NLK: variants seen among roughly 807,000 people sequenced by gnomAD.
The protein encoded by NLK is nemo like kinase.
A neutral mutation model predicts 59.0 loss-of-function variants in NLK; 11 were observed. The ratio of observed to expected loss-of-function variants is 0.19; its 90% confidence interval spans 0.12 to 0.31. NLK has a LOEUF of 0.31. Ranked by LOEUF, NLK falls within the 10% of genes least tolerant of loss-of-function variation. NLK has a pLI of 1.00. For synonymous variants in NLK, 235 were observed against 235.9 expected (o/e 1.00, Z 0.03); for missense variants, 410 against 661.1 (o/e 0.62, Z 4.16).
chr17:28,189,471 G>A lies in NLK; in HGVS notation c.1237-1550G>A, dbSNP rs116676589. On this transcript the variant is annotated intron_variant, in intron 8 of 10. Coordinates refer to ENST00000407008, the MANE Select transcript of NLK (RefSeq NM_016231.5). ...AAGCTATTGGAGAAACTGCACAGTG[G>A]TGTAAGTGTGAAGCATCTTACAGAC... Among the ~76,000 whole-genome samples the A allele has an allele frequency of 3.3e-3, 498 of 152,316 alleles. 3 individuals carry two copies. The highest frequency in any genetic ancestry group is 0.011 in the African/African-American group (470 of 41,566).
chr17:28,177,228 A>G (rs1033260336), intron 7 of NLK, among the ~76,000 whole-genome samples: 1 of 152,198 alleles, frequency 6.6e-6, no homozygotes, highest in Admixed American at 6.5e-5. Context: ...AAAAAAATTC[A>G]CATATAAGTG....
chr17:28,098,749 C>T (rs530867948), intron 1 of NLK, among the ~76,000 whole-genome samples: 1 of 137,498 alleles, frequency 7.3e-6, no homozygotes, highest in Admixed American at 8.2e-5. Context: ...ATGGCGCCAT[C>T]TCGGCTCACC....
chr17:28,043,114 G>C lies in NLK; in HGVS notation c.241G>C (p.Ala81Pro). 1 of 1,596,150 alleles carries C rather than the reference G, an allele frequency of 6.3e-7. No homozygotes were observed. Residue 81 changes from alanine to proline, a missense_variant, in exon 1 of 11, where the codon GCT becomes CCT. This residue lies in a region of NLK where 160 missense variants were observed against 171.0 expected (regional missense o/e 0.94). Coordinates refer to ENST00000407008, the MANE Select transcript of NLK (RefSeq NM_016231.5). The stretch of plus-strand genomic sequence containing the variant: ...TGCGGCAGCCGCAGCAGCGGCTGCA[G>C]CTGCAGCCATGTTAAACCCTGGGCA... ...AAAAAAAAAA[A>P]AAMLNPGQQQ...
At chr17:28,136,667 A>G (rs1256936947) in intron 3 of NLK, among the ~76,000 whole-genome samples, 1 of 152,128 alleles carries the variant, frequency 6.6e-6, no homozygotes, top group Non-Finnish European at 1.5e-5. Flanking sequence ...ACAATGGCAT[A>G]ATCTCGGCTT....
intron 3 of NLK, among the ~76,000 whole-genome samples, chr17:28,148,020 A>G (rs1907328434): frequency 6.6e-6 from 1 of 152,212 alleles, no homozygotes; most frequent in South Asian, 2.1e-4. Context: ...ATGCAAATGA[A>G]AAGCAGATTG....
intron 7 of NLK, among the ~76,000 whole-genome samples, chr17:28,182,296 G>T (rs1320657525): frequency 6.6e-6 from 1 of 151,924 alleles, no homozygotes; most frequent in Non-Finnish European, 1.5e-5. Flanking sequence ...GGTTTTTTTG[G>T]ATTTTCCTAC....
chr17:28,072,567 G>A (rs569713222), intron 1 of NLK, among the ~76,000 whole-genome samples: 37 of 151,790 alleles, frequency 2.4e-4, no homozygotes, highest in Non-Finnish European at 2.8e-4. Flanking sequence ...AGATGAGTGC[G>A]CTGATCTTTT....
chr17:28,112,866 GA>G (rs1905585569), intron 1 of NLK, among the ~76,000 whole-genome samples: 1 of 152,110 alleles, frequency 6.6e-6, no homozygotes, highest in Non-Finnish European at 1.5e-5. Context: ...GTGTAATGAT[GA>G]AGGAAATGTT....
chr17:28,067,820 T>C (rs1195241333), intron 1 of NLK, among the ~76,000 whole-genome samples: 2 of 150,776 alleles, frequency 1.3e-5, no homozygotes, highest in Admixed American at 6.6e-5. Flanking sequence ...ATCCAAACTG[T>C]AGGTAGACCT....
intron 1 of NLK, among the ~76,000 whole-genome samples, chr17:28,047,730 C>T (rs564949471): frequency 6.6e-6 from 1 of 152,286 alleles, no homozygotes; most frequent in African/African-American, 2.4e-5. Context: ...GTCTAGCTTG[C>T]TCATCTTGTG....
chr17:28,132,520 C>T (rs1225724223), intron 2 of NLK, 100 bp from the exon 3 acceptor site: 13 of 862,366 alleles, frequency 1.5e-5, no homozygotes, highest in South Asian at 7.8e-5. Context: ...TGTAACTAAG[C>T]TTTAAAGCAT....
intron 1 of NLK, among the ~76,000 whole-genome samples, chr17:28,111,901 GTGTGTGTGT>G (rs1905527661): frequency 2.0e-4 from 18 of 88,674 alleles, no homozygotes; most frequent in African/African-American, 5.6e-4. Context: ...TGTGTGGTGT[GTGTGTGTGT>G]GTGTGTGTGT....
chr17:28,098,388 C>A (rs1378435602), intron 1 of NLK, among the ~76,000 whole-genome samples: 1 of 152,038 alleles, frequency 6.6e-6, no homozygotes, highest in Non-Finnish European at 1.5e-5. Flanking sequence ...TATTTTTCTT[C>A]TAATAATAGA....
chr17:28,109,665 A>G (rs952402338), intron 1 of NLK, among the ~76,000 whole-genome samples: 2 of 152,172 alleles, frequency 1.3e-5, no homozygotes, highest in Admixed American at 1.3e-4. Context: ...TTTGAGGTTT[A>G]TCCATATGTT....
intron 1 of NLK, among the ~76,000 whole-genome samples, chr17:28,105,219 C>T (rs917830417): frequency 2.0e-5 from 3 of 152,154 alleles, no homozygotes; most frequent in African/African-American, 7.2e-5. Context: ...TTTCACCCAG[C>T]ACTGTCTTTT....
In NLK at chr17:28,043,149, A is replaced by G. The variant is rs758977014; in HGVS notation, c.276A>G (p.Pro92=). The change falls in exon 1 of 11, where the codon CCA becomes CCG. Residue 92 remains proline (P), a synonymous_variant. Coordinates refer to ENST00000407008, the MANE Select transcript of NLK (RefSeq NM_016231.5). ...TGTTAAACCCTGGGCAACAACAGCCATATTTCCCATCACCGGCACCGGGGC... is the reference window on the plus strand; with the variant it reads ...TGTTAAACCCTGGGCAACAACAGCCGTATTTCCCATCACCGGCACCGGGGC... ...AAMLNPGQQQ[P]YFPSPAPGQA... is the part of the protein sequence containing the mutation. The G allele has an allele frequency of 6.8e-6, 11 of 1,613,176 alleles. No individual in the cohort carries two copies. Among genetic ancestry groups the G allele is most frequent in the South Asian group, 2.2e-5 (2 of 91,040 alleles).
At chr17:28,053,767 G>A (rs1010172867) in intron 1 of NLK, among the ~76,000 whole-genome samples, 3 of 152,166 alleles carry the variant, frequency 2.0e-5, no homozygotes, top group Non-Finnish European at 2.9e-5. Flanking sequence ...AAAATGATCC[G>A]TCAATTTACA....
At chr17:28,158,721 CCAGGGTCAAGT>C (rs1275732633) in intron 3 of NLK, among the ~76,000 whole-genome samples, 1 of 152,078 alleles carries the variant, frequency 6.6e-6, no homozygotes, top group African/African-American at 2.4e-5. Flanking sequence ...CCTTGACCTC[CCAGGGTCAAGT>C]AATCCTTCCA....
At position 28,091,414 on chromosome 17, in the gene NLK, C is replaced by A. The variant is rs116819826; in HGVS notation, c.459-31189C>A. On this transcript the variant is annotated intron_variant, in intron 1 of 10. Transcript: ENST00000407008. ...GATGTGGTAAACACTTTTATCTGGG[C>A]AATGAGTACACAGCGTTTAATTTCT... Among the ~76,000 whole-genome samples, 427 of 151,618 alleles carry A rather than the reference C, an allele frequency of 2.8e-3. 5 individuals are homozygous for A. The highest frequency in any genetic ancestry group is 9.6e-3 in the African/African-American group (399 of 41,404).
Sources: gnomAD v4.1 joint callset for allele counts (sites outside exome capture counted in the v4.1 genomes callset) on GRCh38, gnomAD v4.1.1 for gene constraint, gnomAD v4.1.1 regional missense constraint, MANE v1.5 for transcripts, NCBI Gene and HGNC (gene_info 2026-07-23, HGNC 2026-07-21) for gene names.